BACH2: variants seen among roughly 807,000 people sequenced by gnomAD.
BACH2 encodes the protein transcription regulator protein BACH2.
In BACH2, 5 loss-of-function variants were observed where a neutral mutation model predicts 61.8. The observed-to-expected ratio is 0.08, with a 90% confidence interval of 0.04 to 0.17. The LOEUF (loss-of-function observed/expected upper bound fraction) is 0.17. Among genes scored for constraint, BACH2 ranks in the 10% least tolerant of loss-of-function variants. The probability of loss-of-function intolerance (pLI) is 1.00; values close to 1 mark genes in which losing one functional copy is unlikely to be tolerated. For missense variants in BACH2, 824 were observed against 1,091.1 expected, an observed-to-expected ratio of 0.76 and a Z score of 3.45; for synonymous variants, 446 against 440.1, an observed-to-expected ratio of 1.01 and a Z score of -0.17.
chr6:89,940,536 A>G (rs1773359681), intron 7 of BACH2, among the ~76,000 whole-genome samples: 1 of 152,208 alleles, frequency 6.6e-6, no homozygotes, highest in Non-Finnish European at 1.5e-5. Context: ...TCCTGGAATA[A>G]AAAGGTTGTG....
chr6:90,154,031 A>G (rs565869018), intron 4 of BACH2, among the ~76,000 whole-genome samples: 2 of 152,304 alleles, frequency 1.3e-5, no homozygotes, highest in South Asian at 4.1e-4. Flanking sequence ...TAAAAAGAAC[A>G]TATCATTCCA....
chr6:90,210,610 T>C (rs1769313221), intron 3 of BACH2, among the ~76,000 whole-genome samples: 1 of 152,218 alleles, frequency 6.6e-6, no homozygotes, highest in African/African-American at 2.4e-5. Flanking sequence ...AAAAGATACC[T>C]GAGTTACCAT....
chr6:89,948,841 G>A (rs548582158), intron 7 of BACH2, among the ~76,000 whole-genome samples: 2 of 152,054 alleles, frequency 1.3e-5, no homozygotes, highest in South Asian at 2.1e-4. Flanking sequence ...TGGTATATTC[G>A]CATGGGAATA....
chr6:90,209,746 C>T (rs6919430), intron 3 of BACH2, among the ~76,000 whole-genome samples: 11 of 152,202 alleles, frequency 7.2e-5, no homozygotes, highest in East Asian at 3.8e-4. Flanking sequence ...ATAGCTTGCA[C>T]TAAACTGATT....
At chr6:89,948,247 C>T (rs1773864094) in intron 7 of BACH2, among the ~76,000 whole-genome samples, 2 of 152,086 alleles carry the variant, frequency 1.3e-5, no homozygotes, top group African/African-American at 2.4e-5. Context: ...CACTTTGTCA[C>T]CGAGGCTGGA....
In BACH2 at chr6:89,932,621, C is replaced by T. The variant is rs750863282; in HGVS notation, c.2313G>A (p.Glu771=). 6.2e-7 allele frequency: 1 copy of T among 1,613,922 alleles called. No individual in the cohort carries two copies. Among genetic ancestry groups the T allele is most frequent in the Non-Finnish European group, 8.5e-7 (1 of 1,179,968 alleles). The part of the protein sequence containing the change: ...AVGENVPCCL[E]PGAAPPGPPW... Reference sequence around the variant, plus strand: ...GGGGTCCGGGGGGAGCCGCGCCTGGCTCCAAGCAGCAGGGCACGTTTTCCC... The same window carrying T: ...GGGGTCCGGGGGGAGCCGCGCCTGGTTCCAAGCAGCAGGGCACGTTTTCCC... The change falls in exon 9 of 9, where the codon GAG becomes GAA. Residue 771 remains glutamate (E), a synonymous_variant. Coordinates refer to ENST00000257749, the MANE Select transcript of BACH2 (RefSeq NM_021813.4).
chr6:89,962,297 A>T (rs2128359323), intron 6 of BACH2, among the ~76,000 whole-genome samples: 1 of 152,068 alleles, frequency 6.6e-6, no homozygotes, highest in East Asian at 1.9e-4. Context: ...CTCACTTTTC[A>T]GTCTTATGGT....
intron 4 of BACH2, among the ~76,000 whole-genome samples, chr6:90,097,346 C>T (rs1318242389): frequency 6.6e-6 from 1 of 152,186 alleles, no homozygotes; most frequent in African/African-American, 2.4e-5. Flanking sequence ...CTGAGTCCCA[C>T]TGTCTCACTG....
chr6:89,943,303 C>T (rs1773544765), intron 7 of BACH2, among the ~76,000 whole-genome samples: 1 of 152,180 alleles, frequency 6.6e-6, no homozygotes, highest in East Asian at 1.9e-4. Context: ...TCTCACCAAA[C>T]AGAAATCGGC....
intron 2 of BACH2, among the ~76,000 whole-genome samples, chr6:90,253,323 G>C (rs1287185247): frequency 6.6e-6 from 1 of 152,166 alleles, no homozygotes; most frequent in Non-Finnish European, 1.5e-5. Flanking sequence ...AAAGCAAAAA[G>C]GAGTGAGATC....
chr6:90,156,984 T>C (rs1314478734), intron 4 of BACH2, among the ~76,000 whole-genome samples: 1 of 152,200 alleles, frequency 6.6e-6, no homozygotes, highest in Non-Finnish European at 1.5e-5. Context: ...CCAAAGGGGA[T>C]GAATCAGCTC....
intron 4 of BACH2, among the ~76,000 whole-genome samples, chr6:90,202,119 AATGT>A (rs1768976056): frequency 6.6e-6 from 1 of 152,220 alleles, no homozygotes; most frequent in South Asian, 2.1e-4. Context: ...CTACGTTCAT[AATGT>A]ATTTCTTGCA....
intron 4 of BACH2, among the ~76,000 whole-genome samples, chr6:90,204,362 T>G (rs117316995): frequency 0.016 from 2,466 of 152,282 alleles, 43 homozygotes; most frequent in East Asian, 0.071. Flanking sequence ...CTGGTTTTAT[T>G]CATGCTGAGA....
At chr6:90,261,976 C>T (rs1771174182) in intron 2 of BACH2, among the ~76,000 whole-genome samples, 1 of 152,148 alleles carries the variant, frequency 6.6e-6, no homozygotes. Context: ...CCTTGGATTC[C>T]ATTCCTACTT....
intron 5 of BACH2, among the ~76,000 whole-genome samples, chr6:90,026,371 T>C (rs771988195): frequency 1.3e-5 from 2 of 152,238 alleles, no homozygotes; most frequent in Non-Finnish European, 2.9e-5. Flanking sequence ...TGATAATTAC[T>C]GTCAGAAGTT....
chr6:90,020,166 G>A (rs1158004810), intron 5 of BACH2, among the ~76,000 whole-genome samples: 3 of 151,976 alleles, frequency 2.0e-5, no homozygotes, highest in Non-Finnish European at 2.9e-5. Flanking sequence ...CTCCTTGTTG[G>A]TTCCTCTTCA....
At chr6:90,137,351 G>A (rs1200002495) in intron 4 of BACH2, among the ~76,000 whole-genome samples, 2 of 151,994 alleles carry the variant, frequency 1.3e-5, no homozygotes, top group Admixed American at 1.3e-4. Context: ...GCTGGAGTGA[G>A]AAAAAACATG....
chr6:90,026,480 C>T (rs1345699248), intron 5 of BACH2, among the ~76,000 whole-genome samples: 1 of 151,984 alleles, frequency 6.6e-6, no homozygotes, highest in Non-Finnish European at 1.5e-5. Context: ...TTTCCCAGGC[C>T]AGGTATTGCT....
chr6:90,014,072 C>G (rs748318263), intron 5 of BACH2, among the ~76,000 whole-genome samples: 7 of 152,130 alleles, frequency 4.6e-5, no homozygotes, highest in Non-Finnish European at 7.3e-5. Context: ...GTGTAAGCCA[C>G]TGTGCCCAGC....
Sources: gnomAD v4.1 joint callset for allele counts (sites outside exome capture counted in the v4.1 genomes callset) on GRCh38, gnomAD v4.1.1 for gene constraint, MANE v1.5 for transcripts, NCBI Gene and HGNC (gene_info 2026-07-23, HGNC 2026-07-21) for gene names.